Variants in LITAF observed in about 807,000 individuals in gnomAD.
LITAF encodes lipopolysaccharide-induced tumor necrosis factor-alpha factor.
LITAF carries 9 observed loss-of-function variants against 14.5 expected under a neutral mutation model. The observed-to-expected ratio is 0.62, with a 90% confidence interval of 0.37 to 1.08. The LOEUF (loss-of-function observed/expected upper bound fraction) is 1.08. Among genes scored for constraint, LITAF ranks in the 50% least tolerant of loss-of-function variants. LITAF has a pLI of 0.01. For missense variants in LITAF, 206 were observed against 213.4 expected (o/e 0.97, Z 0.22); for synonymous variants, 98 against 88.2 (o/e 1.11, Z -0.62).
intron 3 of LITAF, among the ~76,000 whole-genome samples, chr16:11,625,516 G>A (rs949923410): frequency 2.0e-5 from 3 of 151,998 alleles, no homozygotes; most frequent in South Asian, 2.1e-4. Flanking sequence ...GCCCATCTCC[G>A]CCTCCCAAAG....
At chr16:11,621,784 G>A (rs372316636) in intron 3 of LITAF, among the ~76,000 whole-genome samples, 4 of 152,154 alleles carry the variant, frequency 2.6e-5, no homozygotes, top group African/African-American at 7.2e-5. Context: ...CCAACTGCTT[G>A]TGCTTCCTGA....
intron 1 of LITAF, among the ~76,000 whole-genome samples, chr16:11,563,858 T>C (rs2064410855): frequency 6.6e-6 from 1 of 151,914 alleles, no homozygotes; most frequent in Non-Finnish European, 1.5e-5. Context: ...GACAAAGGGT[T>C]GGGGTGGGGG....
upstream of LITAF, among the ~76,000 whole-genome samples, chr16:11,598,667 T>G (rs1208045440): frequency 1.3e-5 from 2 of 152,016 alleles, no homozygotes; most frequent in Non-Finnish European, 2.9e-5. Context: ...GCTTTGAAAG[T>G]TCCCTCTGGT....
Position 11,549,568 on chromosome 16 carries a change from G to C in LITAF, c.*69C>G. On this transcript the variant is annotated 3_prime_UTR_variant, in exon 4 of 4. Transcript: ENST00000622633. This position sits in a 1 kb window ranked among gnomAD's most constrained non-coding sequence, Gnocchi z 4.6. ...ACCACCAGGGCAGAACCTCCACCAG[G>C]CGTGAAGCTGGATGAGAGGTGGAAA... The C allele has an allele frequency of 8.6e-7, 1 of 1,168,228 alleles. No homozygotes were observed. The highest frequency in any genetic ancestry group is 1.3e-6 in the Non-Finnish European group (1 of 794,240). 72.4% of individuals were successfully genotyped at this position (1,168,228 alleles called of 1,614,324 possible). A position where few individuals can be genotyped will look rare whatever the true frequency, so the allele number is the denominator to read the frequency against.
Position 11,547,952 on chromosome 16 carries a change from A to C in LITAF, c.*1685T>G. The C allele has an allele frequency of 2.2e-6, 1 of 454,158 alleles. No individual in the cohort carries two copies. The highest frequency in any genetic ancestry group is 4.4e-6 in the Non-Finnish European group (1 of 226,804). The allele number at this position is 454,158 out of a possible 1,614,324, so 28.1% of individuals were successfully genotyped here. A position where few individuals can be genotyped will look rare whatever the true frequency, so the allele number is the denominator to read the frequency against. ...AGGTTCTTTGTAGCAATGGCTGGAA[A>C]TGCAACATGAGCCCTTTCTTCACAC... On this transcript the variant is annotated 3_prime_UTR_variant, in exon 4 of 4. Coordinates refer to ENST00000622633, the MANE Select transcript of LITAF (RefSeq NM_001136472.2).
In LITAF at chr16:11,634,066, C is replaced by T. The variant is rs1045967088; in HGVS notation, c.-20-429G>A. Among the ~76,000 whole-genome samples the T allele has an allele frequency of 6.6e-6, 1 of 152,156 alleles. No individual in the cohort carries two copies. The highest frequency in any genetic ancestry group is 2.4e-5 in the African/African-American group (1 of 41,428). ...GACACATGCAGAGGGACATACAGAA[C>T]CTCAACAACTCACATGCAAATGGAC... On this transcript the variant is annotated intron_variant, in intron 2 of 3. Coordinates refer to the LITAF transcript ENST00000574848. This position sits in a 1 kb window ranked among gnomAD's most constrained non-coding sequence, Gnocchi z 4.1.
intron 3 of LITAF, chr16:11,551,662 CACA>C: frequency 5.5e-6 from 3 of 543,966 alleles, no homozygotes; most frequent in Admixed American, 3.0e-5. Flanking sequence ...CTTCCACACA[CACA>C]AAAAAAAAAT....
upstream of LITAF, among the ~76,000 whole-genome samples, chr16:11,588,545 GAAAGAAAGAGAAAGAAAGAAAGGGA>G (rs1453454400): frequency 1.7e-5 from 2 of 120,172 alleles, no homozygotes; most frequent in Non-Finnish European, 3.6e-5. Flanking sequence ...AGAAAAAGAA[GAAAGAAAGAGAAAGAAAGAAAGGGA>G]AAAGAAAGAG....
intron 1 of LITAF, among the ~76,000 whole-genome samples, chr16:11,582,055 A>G (rs1244187168): frequency 6.6e-6 from 1 of 152,214 alleles, no homozygotes; most frequent in Non-Finnish European, 1.5e-5. Context: ...ACAATTATTC[A>G]GTGTATATTT....
intron 3 of LITAF, among the ~76,000 whole-genome samples, chr16:11,619,039 G>A (rs1349704795): frequency 6.6e-6 from 1 of 151,418 alleles, no homozygotes; most frequent in Admixed American, 6.6e-5. Context: ...GCCCGGGCAC[G>A]GTGGCTTACG....
upstream of LITAF, among the ~76,000 whole-genome samples, chr16:11,637,825 G>A (rs2065143808): frequency 6.8e-6 from 1 of 147,212 alleles, no homozygotes. Context: ...AGGCTTCAAT[G>A]AGCCATGATT....
At chr16:11,625,819 T>C (rs1253489798) in intron 3 of LITAF, among the ~76,000 whole-genome samples, 4 of 152,188 alleles carry the variant, frequency 2.6e-5, no homozygotes, top group Non-Finnish European at 5.9e-5. Flanking sequence ...TCAGCCAGGC[T>C]AGTTCTAACT....
intron 1 of LITAF, among the ~76,000 whole-genome samples, chr16:11,572,034 A>G (rs2064549620): frequency 6.6e-6 from 1 of 152,082 alleles, no homozygotes; most frequent in Non-Finnish European, 1.5e-5. Context: ...GGCTGCAGTG[A>G]GCTGTGATCA....
In LITAF at chr16:11,556,532, G is replaced by A. The variant is rs2064271547; in HGVS notation, c.199C>T (p.Pro67Ser). ...GTACTTGGATTGTTATTGGGGATGG[G>A]CGCTGGCTGGGTATAATACGAAGGA... Reference protein sequence around the residue: ...NPPSYYTQPAPIPNNNPITVQ... With the variant: ...NPPSYYTQPASIPNNNPITVQ... Residue 67 changes from proline (P) to serine (S), a missense_variant, in exon 2 of 4, where the codon CCC becomes TCC. Transcript: ENST00000622633. 3 of 1,614,088 alleles carry A rather than the reference G, an allele frequency of 1.9e-6. No individual in the cohort carries two copies. Among genetic ancestry groups the A allele is most frequent in the East Asian group, 4.5e-5 (2 of 44,892 alleles).
chr16:11,626,578 T>G (rs10468250), intron 3 of LITAF, among the ~76,000 whole-genome samples: 4,758 of 152,194 alleles, frequency 0.031, 282 homozygotes, highest in African/African-American at 0.11. Context: ...GACCTCATGA[T>G]CTGCTGGCCT....
chr16:11,608,874 A>C (rs1207351880), intron 3 of LITAF, among the ~76,000 whole-genome samples: 1 of 152,144 alleles, frequency 6.6e-6, no homozygotes, highest in Non-Finnish European at 1.5e-5. Flanking sequence ...GAGGCATGAG[A>C]ATCTCTTGAA....
At chr16:11,573,212 G>T (rs1436443419) in intron 1 of LITAF, among the ~76,000 whole-genome samples, 2 of 152,074 alleles carry the variant, frequency 1.3e-5, no homozygotes, top group Non-Finnish European at 2.9e-5. Context: ...TTACAGGAGT[G>T]AGCCACTGCA....
At chr16:11,582,753 T>C (rs897161797) in intron 1 of LITAF, among the ~76,000 whole-genome samples, 2 of 152,230 alleles carry the variant, frequency 1.3e-5, no homozygotes, top group African/African-American at 4.8e-5. Context: ...CAAAAAGGTC[T>C]GGTCTTTTAG....
intron 1 of LITAF, among the ~76,000 whole-genome samples, chr16:11,572,932 C>CTT (rs34208466): frequency 0.74 from 105,436 of 143,180 alleles, 38,979 homozygotes; most frequent in African/African-American, 0.78. Context: ...ATCTCAAGCT[C>CTT]TTTTTTTTTT....
Sources: allele counts gnomAD v4.1 joint callset (sites outside exome capture counted in the v4.1 genomes callset), GRCh38; gene constraint gnomAD v4.1.1; non-coding constraint Gnocchi (gnomAD v3.1); transcripts MANE v1.5; gene names NCBI Gene and HGNC (gene_info 2026-07-23, HGNC 2026-07-21).